Variants in UVSSA observed in about 807,000 individuals in gnomAD.
UVSSA encodes the protein UV-stimulated scaffold protein A.
A neutral mutation model predicts 73.9 loss-of-function variants in UVSSA; 72 were observed. The observed-to-expected ratio is 0.97, with a 90% confidence interval of 0.81 to 1.19. The LOEUF is 1.19. Among genes scored for constraint, UVSSA ranks in the 50% most tolerant of loss-of-function variants. The probability of loss-of-function intolerance (pLI) is 0.00; values close to 1 mark genes in which losing one functional copy is unlikely to be tolerated. For missense variants in UVSSA, 1,150 were observed against 965.0 expected (o/e 1.19, Z -2.54); for synonymous variants, 454 against 391.3 (o/e 1.16, Z -1.89).
Position 1,395,120 on chromosome 4 carries a change from C to T in UVSSA, c.*9159C>T. On this transcript the variant is annotated 3_prime_UTR_variant, in exon 14 of 14. Coordinates refer to the UVSSA transcript ENST00000511216. ...TGGAGTGCTCGCCTGCTCACACGTG[C>T]CGATGTGGAGTGCCTGCCTGCTCAC... The T allele has an allele frequency of 9.2e-6, 12 of 1,308,416 alleles. 4 individuals are homozygous for T. The highest frequency in any genetic ancestry group is 1.2e-5 in the Non-Finnish European group (11 of 946,194). The allele number at this position is 1,308,416 out of a possible 1,614,324, so 81.1% of individuals were successfully genotyped here. A position where few individuals can be genotyped will look rare whatever the true frequency, so the allele number is the denominator to read the frequency against.
chr4:1,387,052 C>G lies in UVSSA; in HGVS notation c.*1091C>G, dbSNP rs1720180512. 6.6e-6 allele frequency: 1 copy of G among 151,252 alleles called. No homozygotes were observed. Among genetic ancestry groups the G allele is most frequent in the Non-Finnish European group, 1.5e-5 (1 of 67,906 alleles). The allele number at this position is 151,252 out of a possible 1,614,324, so 9.4% of individuals were successfully genotyped here. A position where few individuals can be genotyped will look rare whatever the true frequency, so the allele number is the denominator to read the frequency against. ...ATATGTATACTGTGGATACTAGATC[C>G]TCATGTGATTTGCAAAAACTTTATT... On this transcript the variant is annotated 3_prime_UTR_variant, in exon 14 of 14. Transcript: ENST00000389851.
At chr4:1,381,056 G>T (rs980042089) in intron 12 of UVSSA, 68 bp downstream of exon 12, 26 of 1,472,516 alleles carry the variant, frequency 1.8e-5, no homozygotes, top group Non-Finnish European at 2.3e-5. Flanking sequence ...GTGGCCCGGG[G>T]TGTGTCTGCA....
intron 4 of UVSSA, 68 bp downstream of exon 4, chr4:1,351,903 T>C: frequency 1.3e-6 from 2 of 1,582,422 alleles, no homozygotes; most frequent in South Asian, 1.1e-5. Context: ...CAGTTCATCC[T>C]CCTGGTCCCA....
intron 13 of UVSSA, 158 bp from the exon 14 acceptor site, chr4:1,385,710 C>G: frequency 1.4e-6 from 1 of 715,438 alleles, no homozygotes; most frequent in South Asian, 1.7e-5. Context: ...GGGCCCGTCG[C>G]CCATCTGTCT....
chr4:1,373,796 C>T (rs566525041), intron 8 of UVSSA, among the ~76,000 whole-genome samples: 1 of 152,336 alleles, frequency 6.6e-6, no homozygotes, highest in African/African-American at 2.4e-5. Flanking sequence ...GTGCTTCCTC[C>T]CTCGCTGTCT....
chr4:1,348,734 T>C (rs1714139022), intron 2 of UVSSA, among the ~76,000 whole-genome samples: 1 of 152,166 alleles, frequency 6.6e-6, no homozygotes, highest in African/African-American at 2.4e-5. Context: ...AAAATGGCAG[T>C]TTATAGATTG....
chr4:1,354,429 G>A (rs577798457), intron 5 of UVSSA: 24 of 395,434 alleles, frequency 6.1e-5, no homozygotes, highest in South Asian at 2.3e-4. Flanking sequence ...GTGTGGGGGC[G>A]GTGAGTAGAA....
At chr4:1,359,748 C>T (rs1428407881) in intron 7 of UVSSA, among the ~76,000 whole-genome samples, 1 of 152,130 alleles carries the variant, frequency 6.6e-6, no homozygotes, top group Non-Finnish European at 1.5e-5. Flanking sequence ...CTCTGTCGGC[C>T]GCCTGCCTGC....
At chr4:1,369,705 GC>G (rs1717787163) in intron 8 of UVSSA, among the ~76,000 whole-genome samples, 2 of 152,248 alleles carry the variant, frequency 1.3e-5, no homozygotes, top group South Asian at 2.1e-4. Flanking sequence ...GGGCGCAGAG[GC>G]CCCCCTCTCC....
In UVSSA at chr4:1,387,656, A is replaced by G. The variant is rs1720238497; in HGVS notation, c.*1695A>G. ...GGTGTAAGAGCCCACATTCTTTTGC[A>G]TGTGGATATCCAGTTGTCCCAGCAC... On this transcript the variant is annotated 3_prime_UTR_variant, in exon 14 of 14. Transcript: ENST00000389851. 2 of 152,176 alleles carry G rather than the reference A, an allele frequency of 1.3e-5. No homozygotes were observed. Among genetic ancestry groups the G allele is most frequent in the South Asian group, 4.1e-4 (2 of 4,832 alleles). 9.4% of individuals were successfully genotyped at this position (152,176 alleles called of 1,614,324 possible).
rs114149821 is a variant in UVSSA, at chr4:1,370,044, G to A, written c.1288+3613G>A. Among the ~76,000 whole-genome samples, 262 of 152,308 alleles carry A rather than the reference G, an allele frequency of 1.7e-3. 1 individual carries two copies. The highest frequency in any genetic ancestry group is 0.01 in the Middle Eastern group (3 of 294). On this transcript the variant is annotated intron_variant, in intron 8 of 13. Coordinates refer to ENST00000389851, the MANE Select transcript of UVSSA (RefSeq NM_020894.4). ...TGTCAGAGAGATTGATTTTCCACGCGATGCGCAAGTGGGAGTGTGTTTAGT... is the reference window on the plus strand; with the variant it reads ...TGTCAGAGAGATTGATTTTCCACGCAATGCGCAAGTGGGAGTGTGTTTAGT...
At position 1,364,721 on chromosome 4, in the gene UVSSA, G is replaced by A. The variant is rs575817644; in HGVS notation, c.1177-1599G>A. On this transcript the variant is annotated intron_variant, in intron 7 of 13. Coordinates refer to ENST00000389851, the MANE Select transcript of UVSSA (RefSeq NM_020894.4). ...ACAGGAATGCAGGCGCCTCCATCCC[G>A]GGGGTACCTCAACCCTGGGGGCATC... Among the ~76,000 whole-genome samples the A allele has an allele frequency of 7.9e-5, 12 of 152,180 alleles. No homozygotes were observed. In the South Asian group the frequency reaches 8.3e-4, roughly 11 times the overall value.
At chr4:1,374,004 C>T (rs1265479814) in intron 8 of UVSSA, among the ~76,000 whole-genome samples, 2 of 152,264 alleles carry the variant, frequency 1.3e-5, no homozygotes, top group African/African-American at 4.8e-5. Flanking sequence ...CCTCTTCGCC[C>T]CAGCTGCCAG....
At chr4:1,371,418 C>T (rs1297820863) in intron 8 of UVSSA, among the ~76,000 whole-genome samples, 1 of 152,118 alleles carries the variant, frequency 6.6e-6, no homozygotes, top group Non-Finnish European at 1.5e-5. Flanking sequence ...GTGACTGAGG[C>T]CCCTGTTGAC....
At chr4:1,378,780 G>C (rs925158391) in intron 10 of UVSSA, among the ~76,000 whole-genome samples, 2 of 152,214 alleles carry the variant, frequency 1.3e-5, no homozygotes, top group Non-Finnish European at 2.9e-5. Flanking sequence ...CGGGCGGTCA[G>C]GCACCCTCGG....
intron 7 of UVSSA, among the ~76,000 whole-genome samples, chr4:1,364,318 T>G (rs1414532901): frequency 7.0e-6 from 1 of 142,370 alleles, no homozygotes; most frequent in African/African-American, 2.7e-5. Context: ...GTGGCCTGGC[T>G]CCGTGGGGGC....
At chr4:1,359,903 C>T (rs886557725) in intron 7 of UVSSA, among the ~76,000 whole-genome samples, 1 of 152,176 alleles carries the variant, frequency 6.6e-6, no homozygotes, top group Non-Finnish European at 1.5e-5. Flanking sequence ...GGCCCCACCT[C>T]CTTTTCCTGC....
chr4:1,354,903 T>TGGGGG (rs33989352), intron 6 of UVSSA, 56 bp downstream of exon 6: 617 of 1,464,236 alleles, frequency 4.2e-4, no homozygotes, highest in Middle Eastern at 1.1e-3. Context: ...GTGCCATGCA[T>TGGGGG]GGGGGGGGTC....
chr4:1,377,041 C>G (rs1471353894), intron 10 of UVSSA, among the ~76,000 whole-genome samples: 1 of 152,216 alleles, frequency 6.6e-6, no homozygotes, highest in Non-Finnish European at 1.5e-5. Flanking sequence ...GTGCAAACAC[C>G]GTAACCACTA....
Sources: allele counts gnomAD v4.1 joint callset (sites outside exome capture counted in the v4.1 genomes callset), GRCh38; gene constraint gnomAD v4.1.1; transcripts MANE v1.5; gene names NCBI Gene and HGNC (gene_info 2026-07-23, HGNC 2026-07-21).